Variants in ARB2A observed in about 807,000 individuals in gnomAD.
ARB2A encodes the protein ARB2 cotranscriptional regulator A.
the ARB2A span, among the ~76,000 whole-genome samples, chr5:93,854,978 A>T: frequency 9.2e-5 from 14 of 152,038 alleles, no homozygotes; most frequent in Non-Finnish European, 1.5e-4. Flanking sequence ...TTAGGTCTGC[A>T]TGATGCAGAG....
chr5:93,632,090 G>C, the ARB2A span, among the ~76,000 whole-genome samples: 3,389 of 152,214 alleles, frequency 0.022, 55 homozygotes, highest in Non-Finnish European at 0.034. Flanking sequence ...GTGGTGAGCA[G>C]AGAATATAAG....
At chr5:93,780,172 G>A in the ARB2A span, among the ~76,000 whole-genome samples, 1 of 152,072 alleles carries the variant, frequency 6.6e-6, no homozygotes, top group African/African-American at 2.4e-5. Flanking sequence ...GAAAGGTTTT[G>A]TGTCCTCGGA....
the ARB2A span, among the ~76,000 whole-genome samples, chr5:93,895,410 T>G: frequency 6.6e-6 from 1 of 152,220 alleles, no homozygotes; most frequent in African/African-American, 2.4e-5. Context: ...TATCAATTAC[T>G]GTAAATCTTT....
the ARB2A span, among the ~76,000 whole-genome samples, chr5:93,952,616 G>C: frequency 6.6e-6 from 1 of 151,900 alleles, no homozygotes; most frequent in African/African-American, 2.4e-5. Flanking sequence ...CTTGACCTTT[G>C]GGAATTTATT....
the ARB2A span, among the ~76,000 whole-genome samples, chr5:93,670,147 T>C: frequency 6.6e-6 from 1 of 152,192 alleles, no homozygotes; most frequent in Non-Finnish European, 1.5e-5. Flanking sequence ...CTCCAACTCC[T>C]GCCACCAAAA....
the ARB2A span, chr5:93,740,336 C>G: frequency 7.9e-6 from 4 of 503,306 alleles, no homozygotes; most frequent in Non-Finnish European, 1.4e-5. Flanking sequence ...TGTAATGTAC[C>G]TTTAAACCAA....
At chr5:93,754,219 C>T in the ARB2A span, among the ~76,000 whole-genome samples, 81 of 152,318 alleles carry the variant, frequency 5.3e-4, no homozygotes, top group Non-Finnish European at 1.0e-3. Flanking sequence ...TTTATATTTT[C>T]TCCTACATGG....
At chr5:93,969,280 A>T in the ARB2A span, among the ~76,000 whole-genome samples, 2 of 152,054 alleles carry the variant, frequency 1.3e-5, no homozygotes, top group Non-Finnish European at 2.9e-5. Context: ...GTTATAAGCG[A>T]CAAGACAGGA....
the ARB2A span, among the ~76,000 whole-genome samples, chr5:93,980,601 C>G: frequency 6.6e-6 from 1 of 152,064 alleles, no homozygotes; most frequent in South Asian, 2.1e-4. Context: ...CTGTTATAAG[C>G]TCTTTTTCAT....
the ARB2A span, among the ~76,000 whole-genome samples, chr5:93,899,604 G>C: frequency 6.6e-6 from 1 of 152,086 alleles, no homozygotes; most frequent in Admixed American, 6.6e-5. Flanking sequence ...GGAGTCTCCC[G>C]ATCAACTTTA....
the ARB2A span, among the ~76,000 whole-genome samples, chr5:93,795,572 T>C: frequency 6.6e-6 from 1 of 152,192 alleles, no homozygotes; most frequent in Non-Finnish European, 1.5e-5. Flanking sequence ...GGGAGCTGCA[T>C]ACTAGTCCTG....
At chr5:93,973,506 T>C in the ARB2A span, among the ~76,000 whole-genome samples, 1 of 152,160 alleles carries the variant, frequency 6.6e-6, no homozygotes. Flanking sequence ...GAGGATATAA[T>C]TAAGAAGTTT....
chr5:93,991,495 T>C, the ARB2A span, among the ~76,000 whole-genome samples: 2 of 151,646 alleles, frequency 1.3e-5, no homozygotes, highest in East Asian at 3.9e-4. Context: ...ATTATGAAAT[T>C]AGGAGACAAG....
At chr5:93,662,740 T>C in the ARB2A span, among the ~76,000 whole-genome samples, 1 of 152,250 alleles carries the variant, frequency 6.6e-6, no homozygotes, top group African/African-American at 2.4e-5. Context: ...ACTGGGTAGA[T>C]GGTAGATGGC....
chr5:94,092,131 C>T, the ARB2A span, among the ~76,000 whole-genome samples: 1 of 150,132 alleles, frequency 6.7e-6, no homozygotes, highest in Non-Finnish European at 1.5e-5. Flanking sequence ...GCAGGAGGAT[C>T]GTTTGACCAG....
At chr5:93,899,581 T>A in the ARB2A span, among the ~76,000 whole-genome samples, 1 of 152,120 alleles carries the variant, frequency 6.6e-6, no homozygotes, top group African/African-American at 2.4e-5. Context: ...GTGAAGGACA[T>A]AAGAGGGGAA....
At chr5:93,817,679 G>C in the ARB2A span, among the ~76,000 whole-genome samples, 1 of 152,114 alleles carries the variant, frequency 6.6e-6, no homozygotes, top group African/African-American at 2.4e-5. Flanking sequence ...TATAGTCTAT[G>C]GATTTTGACA....
At chr5:93,802,931 A>C in the ARB2A span, among the ~76,000 whole-genome samples, 15 of 152,124 alleles carry the variant, frequency 9.9e-5, no homozygotes, top group African/African-American at 3.6e-4. Flanking sequence ...CCCTTCTTAC[A>C]TATAACAGTA....
chr5:93,955,670 C>T, the ARB2A span, among the ~76,000 whole-genome samples: 1 of 152,108 alleles, frequency 6.6e-6, no homozygotes, highest in African/African-American at 2.4e-5. Context: ...CTTCTCAATC[C>T]TTGTTTTCAC....
Sources: gnomAD v4.1 joint callset for allele counts (sites outside exome capture counted in the v4.1 genomes callset) on GRCh38, gnomAD v4.1.1 for gene constraint, MANE v1.5 for transcripts, NCBI Gene and HGNC (gene_info 2026-07-23, HGNC 2026-07-21) for gene names.